NPLOC4: variants seen among roughly 807,000 people sequenced by gnomAD.
NPLOC4 encodes NPL4 homolog, ubiquitin recognition factor.
Under a neutral mutation model 80.6 loss-of-function variants are expected in NPLOC4, and 18 were observed. The ratio of observed to expected loss-of-function variants is 0.22; its 90% CI spans 0.15 to 0.33. The LOEUF is 0.33. NPLOC4 is among the 10% of genes least tolerant of loss of function. NPLOC4 has a pLI of 1.00. For missense variants in NPLOC4, 540 were observed against 786.1 expected (o/e 0.69, Z 3.74); for synonymous variants, 313 against 301.5 (o/e 1.04, Z -0.39).
chr17:81,599,088 A>G (rs1412038174), intron 9 of NPLOC4, among the ~76,000 whole-genome samples: 1 of 152,236 alleles, frequency 6.6e-6, no homozygotes, highest in African/African-American at 2.4e-5. Flanking sequence ...CGAGAGTTCA[A>G]GACCAGCCTG....
chr17:81,559,096 C>T lies in NPLOC4; in HGVS notation c.*163G>A, dbSNP rs948484384. 156 of 734,110 alleles carry T rather than the reference C, an allele frequency of 2.1e-4. No homozygotes were observed. The highest frequency in any genetic ancestry group is 2.7e-4 in the Non-Finnish European group (125 of 464,432). 45.5% of individuals were successfully genotyped at this position (734,110 alleles called of 1,614,324 possible). On this transcript the variant is annotated 3_prime_UTR_variant, in exon 17 of 17. Coordinates refer to ENST00000331134, the MANE Select transcript of NPLOC4 (RefSeq NM_017921.4). ...GTGGCGCCCGCTCTCCAGGGAGGAA[C>T]GTGCTGAGAAGCTTCAGTGGGTCAG...
chr17:81,573,614 A>C (rs997238533), intron 12 of NPLOC4: 1 of 152,156 alleles, frequency 6.6e-6, no homozygotes, highest in African/African-American at 2.4e-5. Flanking sequence ...AAATAATAAA[A>C]AATTTTTAAA....
At chr17:81,631,030 G>A (rs1032487425) in intron 1 of NPLOC4, among the ~76,000 whole-genome samples, 5 of 151,730 alleles carry the variant, frequency 3.3e-5, no homozygotes, top group Non-Finnish European at 5.9e-5. Flanking sequence ...AAAATTAGCT[G>A]GGCGTGGTGG....
intron 2 of NPLOC4, among the ~76,000 whole-genome samples, chr17:81,623,314 A>G (rs1286973935): frequency 2.2e-5 from 3 of 136,414 alleles, no homozygotes; most frequent in African/African-American, 8.4e-5. Flanking sequence ...CTAAAAATAC[A>G]AAAATTAGCC....
intron 2 of NPLOC4, among the ~76,000 whole-genome samples, chr17:81,624,413 C>T (rs908118982): frequency 4.6e-5 from 7 of 152,012 alleles, no homozygotes; most frequent in South Asian, 4.2e-4. Flanking sequence ...AGTGAAACTC[C>T]GTCTCAAAAA....
chr17:81,587,768 A>C (rs2034626147), intron 12 of NPLOC4, among the ~76,000 whole-genome samples: 1 of 139,938 alleles, frequency 7.1e-6, no homozygotes. Context: ...TCCCAGGTTC[A>C]CGCCATTCTC....
At chr17:81,589,210 A>G in intron 11 of NPLOC4, 106 bp from the exon 12 acceptor site, 3 of 998,360 alleles carry the variant, frequency 3.0e-6, no homozygotes, top group African/African-American at 1.6e-5. Flanking sequence ...AACCCTCAAG[A>G]GTTTGTCGGG....
intron 3 of NPLOC4, among the ~76,000 whole-genome samples, chr17:81,618,386 G>GCGA (rs2035564545): frequency 6.8e-6 from 1 of 146,668 alleles, no homozygotes; most frequent in African/African-American, 2.5e-5. Flanking sequence ...CTGCCTGGCC[G>GCGA]CCCCGTCTGA....
At chr17:81,628,224 GAAAAA>G (rs538884096) in intron 2 of NPLOC4, among the ~76,000 whole-genome samples, 1 of 120,678 alleles carries the variant, frequency 8.3e-6, no homozygotes, top group African/African-American at 3.0e-5. Flanking sequence ...AAAAAAAAAA[GAAAAA>G]AAAAAGAAAA....
At chr17:81,631,421 C>CAT (rs1415379403) in intron 1 of NPLOC4, among the ~76,000 whole-genome samples, 544 of 49,400 alleles carry the variant, frequency 0.011, 12 homozygotes, top group South Asian at 0.02. Flanking sequence ...TTAAAGTGTA[C>CAT]ATATATATAT....
intron 12 of NPLOC4, among the ~76,000 whole-genome samples, chr17:81,585,365 C>T (rs1385477963): frequency 2.6e-5 from 4 of 151,828 alleles, no homozygotes; most frequent in African/African-American, 9.7e-5. Context: ...TGATTATCCA[C>T]ATCGTTAAGA....
intron 9 of NPLOC4, among the ~76,000 whole-genome samples, 188 bp downstream of exon 9, chr17:81,600,153 A>G (rs1198770873): frequency 6.6e-6 from 1 of 152,142 alleles, no homozygotes; most frequent in Non-Finnish European, 1.5e-5. Context: ...AGTCAGAGGA[A>G]CATAAAGGTT....
Position 81,572,835 on chromosome 17 carries a change from A to G in NPLOC4, c.1282-747T>C, listed in dbSNP as rs1358537228. Among the ~76,000 whole-genome samples the G allele has an allele frequency of 1.3e-5, 2 of 152,236 alleles. No homozygotes were observed. Among genetic ancestry groups the G allele is most frequent in the Non-Finnish European group, 2.9e-5 (2 of 68,048 alleles). The stretch of plus-strand genomic sequence containing the variant: ...TCTTAGAATCTTACTCACACCTCTG[A>G]AAACCCGACTTTCCAGAAACCGAGT... On this transcript the variant is annotated intron_variant, in intron 12 of 16. Coordinates refer to ENST00000331134, the MANE Select transcript of NPLOC4 (RefSeq NM_017921.4). This position sits in a 1 kb window ranked among gnomAD's most constrained non-coding sequence, Gnocchi z 4.5.
chr17:81,608,974 C>G lies in NPLOC4; in HGVS notation c.436-152G>C, dbSNP rs1260250839. On this transcript the variant is annotated intron_variant, in intron 5 of 16. Coordinates refer to ENST00000331134, the MANE Select transcript of NPLOC4 (RefSeq NM_017921.4). ...AGGTACTAGGGTCTCCCTTACCACT[C>G]TGAGTCAGAACCAAGTTTTTCTTTT... is the stretch of plus-strand genomic sequence containing the variant. 4 of 541,910 alleles carry G rather than the reference C, an allele frequency of 7.4e-6. No homozygotes were observed. The African/African-American group carries it at 7.7e-5, about 10-fold the overall frequency. The allele number at this position is 541,910 out of a possible 1,614,324, so 33.6% of individuals were successfully genotyped here.
At chr17:81,621,988 C>T (rs1176547583) in intron 3 of NPLOC4, among the ~76,000 whole-genome samples, 178 bp downstream of exon 3, 1 of 152,212 alleles carries the variant, frequency 6.6e-6, no homozygotes, top group Admixed American at 6.5e-5. Context: ...ATGGTAACTG[C>T]AGATTCAGGA....
At chr17:81,617,535 C>T (rs1018415896) in intron 3 of NPLOC4, among the ~76,000 whole-genome samples, 1 of 152,052 alleles carries the variant, frequency 6.6e-6, no homozygotes. Flanking sequence ...TTAGGCCGGG[C>T]ACAGTGGCTC....
chr17:81,621,181 A>G (rs1426681833), intron 3 of NPLOC4, among the ~76,000 whole-genome samples: 9 of 152,186 alleles, frequency 5.9e-5, no homozygotes, highest in African/African-American at 2.2e-4. Context: ...CACCAGCTCA[A>G]AAGAAGGATG....
At chr17:81,627,418 G>C (rs1022217545) in intron 2 of NPLOC4, among the ~76,000 whole-genome samples, 21 of 151,438 alleles carry the variant, frequency 1.4e-4, no homozygotes, top group African/African-American at 5.1e-4. Flanking sequence ...ATGCATGGTG[G>C]GGAACAAAAA....
chr17:81,584,417 T>C (rs964125130), intron 12 of NPLOC4, among the ~76,000 whole-genome samples: 1 of 152,160 alleles, frequency 6.6e-6, no homozygotes, highest in African/African-American at 2.4e-5. Context: ...CAATAACGCA[T>C]GGAAATAAAA....
Sources: gnomAD v4.1 joint callset for allele counts (sites outside exome capture counted in the v4.1 genomes callset) on GRCh38, gnomAD v4.1.1 for gene constraint, Gnocchi (gnomAD v3.1) non-coding constraint, MANE v1.5 for transcripts, NCBI Gene and HGNC (gene_info 2026-07-23, HGNC 2026-07-21) for gene names.